The following CLASP1 variants were observed in gnomAD, a reference collection of about 807,000 sequenced individuals.
CLASP1 encodes the protein cytoplasmic linker associated protein 1.
Under a neutral mutation model 192.3 loss-of-function variants are expected in CLASP1, and 38 were observed. That is an observed-to-expected ratio of 0.20 (90% CI 0.15 to 0.26). CLASP1 has a LOEUF of 0.26. CLASP1 is among the 10% of genes least tolerant of loss of function. The pLI is 1.00. For synonymous variants in CLASP1, 691 were observed against 712.8 expected (o/e 0.97, Z 0.49); for missense variants, 1,433 against 1,932.5 (o/e 0.74, Z 4.85).
intron 23 of CLASP1, among the ~76,000 whole-genome samples, chr2:121,412,997 C>T (rs894480978): frequency 3.9e-5 from 6 of 152,164 alleles, no homozygotes; most frequent in Admixed American, 3.9e-4. Flanking sequence ...GGCGGCTTTG[C>T]CTGTAATCCC....
chr2:121,637,394 C>G (rs982010683), intron 1 of CLASP1, among the ~76,000 whole-genome samples: 11 of 151,996 alleles, frequency 7.2e-5, no homozygotes, highest in African/African-American at 2.7e-4. Flanking sequence ...ACTAGGACAA[C>G]TGGCTATCTA....
At chr2:121,448,309 T>C in exon 18 of CLASP1, 1 of 1,613,388 alleles carries the variant, frequency 6.2e-7, no homozygotes, top group Non-Finnish European at 8.5e-7. Context: ...GGACTTCTTT[T>C]GGCAGACAGC....
intron 24 of CLASP1, among the ~76,000 whole-genome samples, chr2:121,408,696 T>C (rs2077262356): frequency 6.6e-6 from 1 of 152,164 alleles, no homozygotes; most frequent in African/African-American, 2.4e-5. Flanking sequence ...TCCAGATTCC[T>C]AAAATAAGAA....
At chr2:121,457,717 T>C in exon 14 of CLASP1, 1 of 1,613,306 alleles carries the variant, frequency 6.2e-7, no homozygotes, top group East Asian at 2.2e-5. Flanking sequence ...AGAGGTACAG[T>C]TGCTTGTTAT....
At chr2:121,488,923 A>C (rs1192420668) in intron 8 of CLASP1, among the ~76,000 whole-genome samples, 6 of 152,244 alleles carry the variant, frequency 3.9e-5, no homozygotes, top group African/African-American at 1.4e-4. Context: ...CAATTTGAAA[A>C]AATATATCAA....
At chr2:121,379,215 CAA>C (rs189429636) in intron 33 of CLASP1, among the ~76,000 whole-genome samples, 7 of 78,098 alleles carry the variant, frequency 9.0e-5, no homozygotes, top group Admixed American at 4.1e-4. Flanking sequence ...GGAGAGTTCA[CAA>C]AAAAAAAAAA....
At chr2:121,597,819 C>T (rs890561947) in intron 2 of CLASP1, among the ~76,000 whole-genome samples, 3 of 152,168 alleles carry the variant, frequency 2.0e-5, no homozygotes, top group East Asian at 1.9e-4. Context: ...TGCACTGCTG[C>T]GCAGAATCAA....
chr2:121,345,142 A>G (rs1349933456), intron 39 of CLASP1, among the ~76,000 whole-genome samples: 1 of 152,232 alleles, frequency 6.6e-6, no homozygotes, highest in Non-Finnish European at 1.5e-5. Flanking sequence ...GCGAGGCTCC[A>G]TATAAAAATA....
At chr2:121,452,343 C>T (rs1298036175) in intron 14 of CLASP1, among the ~76,000 whole-genome samples, 1 of 152,168 alleles carries the variant, frequency 6.6e-6, no homozygotes, top group Non-Finnish European at 1.5e-5. Context: ...AATGGATTTT[C>T]TCCAACTACT....
At chr2:121,543,233 C>G (rs561077194) in intron 2 of CLASP1, among the ~76,000 whole-genome samples, 1 of 152,080 alleles carries the variant, frequency 6.6e-6, no homozygotes, top group Non-Finnish European at 1.5e-5. Flanking sequence ...AAACTTGGGG[C>G]ACCTCTTAAA....
intron 30 of CLASP1, among the ~76,000 whole-genome samples, chr2:121,388,478 C>T (rs1174262807): frequency 2.6e-5 from 4 of 152,202 alleles, no homozygotes; most frequent in African/African-American, 9.6e-5. Flanking sequence ...ACGTTAAAAA[C>T]ATGCTCTTCT....
intron 35 of CLASP1, among the ~76,000 whole-genome samples, chr2:121,365,841 A>G (rs1342251937): frequency 3.9e-5 from 6 of 152,244 alleles, no homozygotes; most frequent in Admixed American, 3.3e-4. Context: ...CTGGTGGACT[A>G]TCTATGTGGA....
chr2:121,485,587 G>A (rs1225295449), intron 8 of CLASP1, among the ~76,000 whole-genome samples: 2 of 152,146 alleles, frequency 1.3e-5, no homozygotes, highest in Admixed American at 6.5e-5. Context: ...CCATGAGCTG[G>A]GTACGGTGGC....
intron 2 of CLASP1, chr2:121,530,663 C>T (rs1228340622): frequency 2.0e-5 from 10 of 509,756 alleles, no homozygotes; most frequent in Non-Finnish European, 3.2e-5. Context: ...TGCAAATTTT[C>T]GAGCGGCCGA....
In CLASP1 at chr2:121,478,191, TG is replaced by T. The variant is rs2091871881; in HGVS notation, c.713-8232del. ...ATGTTTGTTCAATATACATCATAGT[TG>T]TCATATTAATATAATAAAAGACAAA... On this transcript the variant is annotated intron_variant, in intron 8 of 39. Coordinates refer to ENST00000263710, the Ensembl canonical transcript of CLASP1. Among the ~76,000 whole-genome samples, 3 of 152,170 alleles carry T rather than the reference TG, an allele frequency of 2.0e-5. No individual in the cohort carries two copies. In the South Asian group the frequency reaches 6.2e-4, roughly 31 times the overall value.
chr2:121,455,722 C>G (rs897358115), intron 14 of CLASP1, among the ~76,000 whole-genome samples: 8 of 152,042 alleles, frequency 5.3e-5, no homozygotes, highest in African/African-American at 1.9e-4. Flanking sequence ...TAGCTGGGGG[C>G]GTGGTGGCGG....
At chr2:121,631,287 C>CTTT (rs769717647) in intron 1 of CLASP1, among the ~76,000 whole-genome samples, 2 of 127,594 alleles carry the variant, frequency 1.6e-5, no homozygotes, top group African/African-American at 2.8e-5. Context: ...TTTAAAATTA[C>CTTT]TTTTTTTTTT....
At chr2:121,485,821 A>G (rs1482343319) in intron 8 of CLASP1, among the ~76,000 whole-genome samples, 1 of 152,206 alleles carries the variant, frequency 6.6e-6, no homozygotes, top group Non-Finnish European at 1.5e-5. Context: ...ATGTTTGTAA[A>G]TGCCCGTCCT....
At chr2:121,637,038 A>G (rs2071010882) in intron 1 of CLASP1, among the ~76,000 whole-genome samples, 1 of 152,226 alleles carries the variant, frequency 6.6e-6, no homozygotes, top group East Asian at 1.9e-4. Flanking sequence ...TCCACTCCTC[A>G]AGAGAAAAGG....
Sources: allele counts gnomAD v4.1 joint callset (sites outside exome capture counted in the v4.1 genomes callset), GRCh38; gene constraint gnomAD v4.1.1; transcripts MANE v1.5; gene names NCBI Gene and HGNC (gene_info 2026-07-23, HGNC 2026-07-21).